ATP8B4: variants seen among roughly 807,000 people sequenced by gnomAD.
ATP8B4 encodes ATPase phospholipid transporting 8B4 (putative).
Under a neutral mutation model 145.6 loss-of-function variants are expected in ATP8B4, and 133 were observed. The ratio of observed to expected loss-of-function variants is 0.91; its 90% confidence interval spans 0.79 to 1.05. ATP8B4 has a LOEUF of 1.05. Among genes scored for constraint, ATP8B4 ranks in the 50% least tolerant of loss-of-function variants. The pLI is 0.00. For synonymous variants in ATP8B4, 507 were observed against 492.9 expected, an observed-to-expected ratio of 1.03 and a Z score of -0.38; for missense variants, 1,458 against 1,425.2, an observed-to-expected ratio of 1.02 and a Z score of -0.37.
chr15:49,971,085 T>C (rs1410536399), intron 13 of ATP8B4, among the ~76,000 whole-genome samples: 1 of 152,190 alleles, frequency 6.6e-6, no homozygotes, highest in East Asian at 1.9e-4. Flanking sequence ...AAACTGTAAC[T>C]GGACCCCTTC....
chr15:50,086,215 C>A, intron 2 of ATP8B4, among the ~76,000 whole-genome samples: 1 of 97,588 alleles, frequency 1.0e-5, no homozygotes, highest in Non-Finnish European at 1.8e-5. Context: ...ATATAGAGAT[C>A]TATATTTATT....
At chr15:50,067,320 G>A (rs946962758) in intron 3 of ATP8B4, among the ~76,000 whole-genome samples, 2 of 152,070 alleles carry the variant, frequency 1.3e-5, no homozygotes, top group African/African-American at 4.8e-5. Context: ...ATTACCTCAT[G>A]TTTAAACTCT....
intron 1 of ATP8B4, among the ~76,000 whole-genome samples, chr15:50,165,970 AACACACAC>A (rs149302745): frequency 6.8e-5 from 10 of 146,988 alleles, no homozygotes; most frequent in African/African-American, 1.0e-4. Flanking sequence ...AATCCCAGAG[AACACACAC>A]ACACACACAC....
chr15:50,176,097 A>C (rs1194321848), intron 1 of ATP8B4, among the ~76,000 whole-genome samples: 2 of 151,758 alleles, frequency 1.3e-5, no homozygotes, highest in Non-Finnish European at 2.9e-5. Flanking sequence ...GTATATATAT[A>C]GTGTGTATAT....
chr15:49,981,394 T>A, intron 10 of ATP8B4, 100 bp from the exon 11 acceptor site: 1 of 926,872 alleles, frequency 1.1e-6, no homozygotes. Flanking sequence ...AATATATATT[T>A]TTCACAATAA....
intron 2 of ATP8B4, among the ~76,000 whole-genome samples, chr15:50,075,756 A>G (rs1037275096): frequency 6.6e-5 from 10 of 152,174 alleles, no homozygotes; most frequent in Non-Finnish European, 1.3e-4. Flanking sequence ...AAAAAGCACC[A>G]TCCTGTCTTT....
chr15:49,919,158 A>G (rs950362178), intron 18 of ATP8B4, among the ~76,000 whole-genome samples: 1 of 152,228 alleles, frequency 6.6e-6, no homozygotes, highest in Non-Finnish European at 1.5e-5. Flanking sequence ...CCAACTTAGC[A>G]GAGATCTTGG....
intron 1 of ATP8B4, among the ~76,000 whole-genome samples, chr15:50,117,653 G>C (rs1254245004): frequency 6.6e-6 from 1 of 152,118 alleles, no homozygotes; most frequent in Non-Finnish European, 1.5e-5. Flanking sequence ...CCACTTCTGG[G>C]AATACATCCA....
Position 49,918,930 on chromosome 15 carries a change from T to C in ATP8B4, c.1944A>G (p.Val648=), listed in dbSNP as rs541349766. The part of the protein sequence containing the change: ...RDLMLLGATA[V]EDKLQEGVIE... The stretch of plus-strand genomic sequence containing the variant: ...TAACACCCTCCTGTAACTTATCTTC[T>C]ACAGCAGTGGCACCTAGTAGCTTTA... The change falls in exon 19 of 28, where the codon GTA becomes GTG. Residue 648 remains valine, a synonymous_variant. Transcript: ENST00000284509. 3.1e-6 allele frequency: 5 copies of C among 1,612,768 alleles called. No homozygotes were observed. The East Asian group carries it at 1.1e-4, about 36-fold the overall frequency.
chr15:49,871,269 C>T (rs2033626409), intron 25 of ATP8B4, among the ~76,000 whole-genome samples: 1 of 152,108 alleles, frequency 6.6e-6, no homozygotes. Flanking sequence ...GCACAGTATC[C>T]AGTGTTTCCT....
chr15:49,945,195 T>C (rs2042464918), intron 14 of ATP8B4, among the ~76,000 whole-genome samples: 1 of 151,882 alleles, frequency 6.6e-6, no homozygotes, highest in Non-Finnish European at 1.5e-5. Context: ...AAAAACATGA[T>C]GACAGAAATT....
chr15:50,114,103 CTTTT>C (rs755159123), intron 1 of ATP8B4, among the ~76,000 whole-genome samples: 19 of 55,654 alleles, frequency 3.4e-4, no homozygotes, highest in South Asian at 3.0e-3. Flanking sequence ...CTCCTAGTTT[CTTTT>C]TTTTTTTTTT....
chr15:49,942,577 T>C (rs940506086), intron 14 of ATP8B4, among the ~76,000 whole-genome samples: 3 of 151,908 alleles, frequency 2.0e-5, no homozygotes, highest in African/African-American at 7.2e-5. Flanking sequence ...CCCCACATCC[T>C]AGTGATTTAA....
intron 3 of ATP8B4, among the ~76,000 whole-genome samples, chr15:50,058,880 A>G (rs1231635211): frequency 6.6e-6 from 1 of 150,942 alleles, no homozygotes; most frequent in African/African-American, 2.4e-5. Context: ...TTGGGAGTAG[A>G]GGTGTTGAGA....
At chr15:50,030,886 C>T (rs1246758705) in intron 6 of ATP8B4, among the ~76,000 whole-genome samples, 1 of 152,150 alleles carries the variant, frequency 6.6e-6, no homozygotes, top group African/African-American at 2.4e-5. Flanking sequence ...AAATTGTATT[C>T]ATGCAATATA....
chr15:50,017,644 C>T (rs2049192570), intron 6 of ATP8B4, among the ~76,000 whole-genome samples: 2 of 152,118 alleles, frequency 1.3e-5, no homozygotes, highest in Non-Finnish European at 2.9e-5. Flanking sequence ...GAAGAGATAA[C>T]CTAATGTCTC....
intron 3 of ATP8B4, among the ~76,000 whole-genome samples, chr15:50,051,509 C>T (rs569062289): frequency 4.0e-4 from 61 of 152,252 alleles, no homozygotes; most frequent in Middle Eastern, 6.8e-3. Flanking sequence ...CATTAATGTA[C>T]TGAAAACCGT....
At position 50,048,445 on chromosome 15, in the gene ATP8B4, C is replaced by T. The variant is rs149987293; in HGVS notation, c.88-981G>A. On this transcript the variant is annotated intron_variant, in intron 3 of 27. Coordinates refer to ENST00000284509, the MANE Select transcript of ATP8B4 (RefSeq NM_024837.4). ...AAAGGGGGCCAAGCACAGTGGCTCA[C>T]GCCTATAATCCCAGCATTTTGGGAG... Among the ~76,000 whole-genome samples, 46 of 151,952 alleles carry T rather than the reference C, an allele frequency of 3.0e-4. No homozygotes were observed. In the East Asian group the frequency reaches 7.6e-3, roughly 25 times the overall value.
At chr15:49,875,047 CA>C (rs1474676785) in intron 25 of ATP8B4, among the ~76,000 whole-genome samples, 1 of 152,022 alleles carries the variant, frequency 6.6e-6, no homozygotes, top group Non-Finnish European at 1.5e-5. Flanking sequence ...TTAAGTTAAC[CA>C]AAAATTGTAG....
Sources: allele counts gnomAD v4.1 joint callset (sites outside exome capture counted in the v4.1 genomes callset), GRCh38; gene constraint gnomAD v4.1.1; transcripts MANE v1.5; gene names NCBI Gene and HGNC (gene_info 2026-07-23, HGNC 2026-07-21).